NT5DC3: variants seen among roughly 807,000 people sequenced by gnomAD.
NT5DC3 encodes 5'-nucleotidase domain-containing protein 3.
NT5DC3 carries 42 observed loss-of-function variants against 67.8 expected under a neutral mutation model. The ratio of observed to expected loss-of-function variants is 0.62; its 90% CI spans 0.48 to 0.80. The LOEUF (loss-of-function observed/expected upper bound fraction) is 0.80, where lower values mean the gene tolerates loss of function less well. Among genes scored for constraint, NT5DC3 ranks in the 30% least tolerant of loss-of-function variants. The probability of loss-of-function intolerance (pLI) is 0.00; values close to 1 mark genes in which losing one functional copy is unlikely to be tolerated. For synonymous variants in NT5DC3, 237 were observed against 255.6 expected, an observed-to-expected ratio of 0.93 and a Z score of 0.69; for missense variants, 570 against 696.4, an observed-to-expected ratio of 0.82 and a Z score of 2.04.
At chr12:103,827,560 CAG>C (rs1255393697) in intron 1 of NT5DC3, among the ~76,000 whole-genome samples, 2 of 152,148 alleles carry the variant, frequency 1.3e-5, no homozygotes, top group Admixed American at 6.5e-5. Flanking sequence ...ACAGTCTATG[CAG>C]AGAGTTGCAT....
Position 103,797,036 on chromosome 12 carries a change from A to T in NT5DC3, c.616-5T>A, listed in dbSNP as rs372185148. The T allele has an allele frequency of 1.9e-6, 3 of 1,613,996 alleles. No individual in the cohort carries two copies. In the African/African-American group the frequency reaches 4.0e-5, roughly 22 times the overall value. On this transcript the variant is annotated splice_region_variant and splice_polypyrimidine_tract_variant and intron_variant, in intron 5 of 13. Transcript: ENST00000392876. ...CATCGTGTTTCCATGAGAGCTCTGC[A>T]GACAGGGTGGAAGGAATGCTTTAGA...
intron 2 of NT5DC3, among the ~76,000 whole-genome samples, chr12:103,809,348 C>T (rs1236447154): frequency 6.6e-6 from 1 of 152,234 alleles, no homozygotes; most frequent in Non-Finnish European, 1.5e-5. Flanking sequence ...ACATGCCCTC[C>T]ACACACTCAC....
At chr12:103,815,925 T>A (rs1887231337) in intron 1 of NT5DC3, among the ~76,000 whole-genome samples, 2 of 152,362 alleles carry the variant, frequency 1.3e-5, no homozygotes, top group South Asian at 4.1e-4. Flanking sequence ...TAACAAAATC[T>A]AAATATCATA....
chr12:103,770,870 T>C (rs1885165871), downstream of NT5DC3: 1 of 152,158 alleles, frequency 6.6e-6, no homozygotes, highest in Non-Finnish European at 1.5e-5. Context: ...TGGGAGGTGA[T>C]TAAGGGGGAG....
chr12:103,832,551 C>A (rs963737123), intron 1 of NT5DC3, among the ~76,000 whole-genome samples: 1 of 151,880 alleles, frequency 6.6e-6, no homozygotes, highest in Non-Finnish European at 1.5e-5. Flanking sequence ...TCCTCTTTAC[C>A]CTACCCAGAA....
intron 9 of NT5DC3, among the ~76,000 whole-genome samples, chr12:103,790,951 A>G (rs1886028659): frequency 6.6e-6 from 1 of 151,958 alleles, no homozygotes; most frequent in Admixed American, 6.6e-5. Flanking sequence ...AGCCTCCCAA[A>G]GTGCTGGGAT....
At chr12:103,786,681 ATTTTT>A (rs3036176) in intron 11 of NT5DC3, among the ~76,000 whole-genome samples, 1 of 132,360 alleles carries the variant, frequency 7.6e-6, no homozygotes, top group Admixed American at 8.0e-5. Context: ...CACTGGTTTG[ATTTTT>A]TTTTTTTTTT....
intron 2 of NT5DC3, among the ~76,000 whole-genome samples, chr12:103,811,558 A>G (rs1050526587): frequency 6.6e-6 from 1 of 152,246 alleles, no homozygotes; most frequent in African/African-American, 2.4e-5. Context: ...CATTTAAAAA[A>G]GCAAGGAAAG....
At chr12:103,749,276 C>T in the NT5DC3 span, 5 of 1,137,670 alleles carry the variant, frequency 4.4e-6, no homozygotes, top group East Asian at 7.9e-5. Flanking sequence ...TTTTCTAGCA[C>T]AGTCTGTTTC....
At chr12:103,830,905 T>A (rs1887898117) in intron 1 of NT5DC3, among the ~76,000 whole-genome samples, 1 of 152,232 alleles carries the variant, frequency 6.6e-6, no homozygotes, top group Admixed American at 6.5e-5. Flanking sequence ...CTGCTGGTTC[T>A]CCCTTATGGT....
the NT5DC3 span, chr12:103,746,811 A>G: frequency 1.9e-6 from 2 of 1,047,958 alleles, no homozygotes; most frequent in East Asian, 2.4e-5. Context: ...TGTCTGGGCC[A>G]CTTCAGCAGC....
the NT5DC3 span, among the ~76,000 whole-genome samples, chr12:103,760,388 G>A: frequency 7.9e-5 from 12 of 152,132 alleles, no homozygotes; most frequent in Admixed American, 2.0e-4. Context: ...AGCCTCCCGC[G>A]TAGCTGGGAC....
the NT5DC3 span, chr12:103,755,796 A>C: frequency 6.0e-6 from 8 of 1,342,554 alleles, no homozygotes; most frequent in Non-Finnish European, 8.5e-6. Context: ...GTGAGGCCTT[A>C]AGCTGAAGGC....
intron 6 of NT5DC3, 86 bp from the exon 7 acceptor site, chr12:103,794,083 T>C: frequency 9.9e-7 from 1 of 1,014,006 alleles, no homozygotes; most frequent in Admixed American, 1.7e-5. Context: ...TCATGGTAAC[T>C]TCTGTCCCTA....
intron 12 of NT5DC3, among the ~76,000 whole-genome samples, chr12:103,782,891 G>A (rs1430603018): frequency 6.6e-6 from 1 of 152,024 alleles, no homozygotes; most frequent in South Asian, 2.1e-4. Context: ...GAGGCTGAGA[G>A]AGGAGAACTG....
intron 12 of NT5DC3, among the ~76,000 whole-genome samples, chr12:103,782,268 G>C (rs1885587000): frequency 6.6e-6 from 1 of 152,096 alleles, no homozygotes. Flanking sequence ...ACTCAGGAGG[G>C]TAGGCATGAG....
At chr12:103,795,822 A>G (rs1886287312) in intron 6 of NT5DC3, among the ~76,000 whole-genome samples, 1 of 152,240 alleles carries the variant, frequency 6.6e-6, no homozygotes, top group Admixed American at 6.5e-5. Flanking sequence ...ATTTATAAAT[A>G]CAAATGATTT....
At chr12:103,759,289 G>C in the NT5DC3 span, 1 of 1,611,166 alleles carries the variant, frequency 6.2e-7, no homozygotes, top group Non-Finnish European at 8.5e-7. Context: ...AAGTCTTCTG[G>C]GCTTCTTGGG....
At chr12:103,766,682 G>C (rs970628360), downstream of NT5DC3, 11 of 263,642 alleles carry the variant, frequency 4.2e-5, no homozygotes, top group Non-Finnish European at 7.4e-5. Flanking sequence ...CCTGACACAG[G>C]AACTGTGCAC....
Sources: gnomAD v4.1 joint callset for allele counts (sites outside exome capture counted in the v4.1 genomes callset) on GRCh38, gnomAD v4.1.1 for gene constraint, MANE v1.5 for transcripts, NCBI Gene and HGNC (gene_info 2026-07-23, HGNC 2026-07-21) for gene names.